Variants in BET1 observed in about 807,000 individuals in gnomAD.
BET1 encodes Bet1 golgi vesicular membrane trafficking protein, also known as BET1 homolog.
A neutral mutation model predicts 13.9 loss-of-function variants in BET1; 9 were observed. The observed-to-expected ratio is 0.65, with a 90% CI of 0.39 to 1.13. BET1 has a LOEUF of 1.13. BET1 is among the 50% of genes most tolerant of loss of function. BET1 has a pLI of 0.01. For synonymous variants in BET1, 39 were observed against 47.3 expected (o/e 0.82, Z 0.72); for missense variants, 127 against 133.6 (o/e 0.95, Z 0.24).
At chr7:93,975,867 A>G in intron 5 of BET1, 10 of 1,004,596 alleles carry the variant, frequency 1.0e-5, no homozygotes, top group Non-Finnish European at 1.2e-5. Context: ...TTTTCAAAAT[A>G]TTATGAGACT....
chr7:93,976,121 C>G, intron 4 of BET1: 1 of 1,162,294 alleles, frequency 8.6e-7, no homozygotes, highest in South Asian at 1.6e-5. Flanking sequence ...AGATGGAGAT[C>G]TTAGTTTCTA....
chr7:93,999,177 A>G lies in BET1; in HGVS notation c.137T>C (p.Ile46Thr). Reference sequence around the variant, plus strand: ...TATTTGTTATATACTTACAGATTTTATAGCAGTTACTTTGCTTCTCAGACT... The same window carrying G: ...TATTTGTTATATACTTACAGATTTTGTAGCAGTTACTTTGCTTCTCAGACT... Reference protein sequence around the residue: ...TESLRSKVTAIKSLSIEIGHE... With the variant: ...TESLRSKVTATKSLSIEIGHE... Residue 46 changes from isoleucine to threonine, a missense_variant, in exon 2 of 4, where the codon ATA becomes ACA. By Grantham distance (89) the Ile-to-Thr change is moderately conservative. Transcript: ENST00000222547. 6.2e-7 allele frequency: 1 copy of G among 1,610,768 alleles called. No homozygotes were observed. Among genetic ancestry groups the G allele is most frequent in the Non-Finnish European group, 8.5e-7 (1 of 1,177,710 alleles).
rs75217727 is a variant in BET1, at chr7:94,001,998, A to G, written c.19+2200T>C. Among the ~76,000 whole-genome samples the G allele has an allele frequency of 3.3e-4, 51 of 152,328 alleles. No homozygotes were observed. The East Asian group carries it at 9.1e-3, about 27-fold the overall frequency. ...CAGAAATATATCAATGCACATTCCT[A>G]TTAAAGAGTTGATCTTCCCTCAAAC... On this transcript the variant is annotated intron_variant, in intron 1 of 3. Coordinates refer to ENST00000222547, the MANE Select transcript of BET1 (RefSeq NM_005868.6).
chr7:93,999,644 G>T (rs1168966267), intron 1 of BET1: 1 of 457,958 alleles, frequency 2.2e-6, no homozygotes, highest in East Asian at 6.9e-5. Flanking sequence ...TCTAAAAGCA[G>T]TAACATCATC....
rs1562806503 is a variant in BET1 at position 93,994,268 on chromosome 7, C to T, written c.319G>A (p.Val107Ile). The change falls in exon 4 of 4, where the codon GTC (valine) becomes ATC (isoleucine). Residue 107 changes from valine (V) to isoleucine (I), a missense_variant. Transcript: ENST00000222547. ...LCYMMLFSLF[V>I]FFIIYWIIKL... ...ATAATCCAATAAATGATAAAAAAGA[C>T]AAATAAAGAAAACAGCATCATATAG... is the stretch of plus-strand genomic sequence containing the variant. 1.9e-6 allele frequency: 3 copies of T among 1,608,526 alleles called. No homozygotes were observed. The South Asian group carries it at 3.4e-5, about 18-fold the overall frequency.
At chr7:93,971,587 AG>A (rs1795259427) in intron 6 of BET1, among the ~76,000 whole-genome samples, 1 of 151,736 alleles carries the variant, frequency 6.6e-6, no homozygotes, top group Non-Finnish European at 1.5e-5. Flanking sequence ...CAGTCCTCTT[AG>A]GTGTCAGTAG....
At chr7:94,001,497 A>C (rs1272528804) in intron 1 of BET1, among the ~76,000 whole-genome samples, 2 of 152,182 alleles carry the variant, frequency 1.3e-5, no homozygotes, top group Non-Finnish European at 2.9e-5. Flanking sequence ...CAAAATATTG[A>C]AGAAGTATTT....
intron 1 of BET1, among the ~76,000 whole-genome samples, chr7:94,001,484 C>T (rs1373472370): frequency 6.6e-6 from 1 of 152,150 alleles, no homozygotes; most frequent in Admixed American, 6.5e-5. Context: ...ACAAAAACCA[C>T]AACAAAATAT....
chr7:93,968,542 T>C (rs1795210621), intron 6 of BET1, among the ~76,000 whole-genome samples: 1 of 151,846 alleles, frequency 6.6e-6, no homozygotes. Context: ...ATGTTTTGTA[T>C]GCATCATTAT....
At chr7:93,976,994 GAA>G (rs1554345751) in intron 4 of BET1, among the ~76,000 whole-genome samples, 2 of 152,034 alleles carry the variant, frequency 1.3e-5, no homozygotes, top group Non-Finnish European at 2.9e-5. Context: ...AGGTTCCTGC[GAA>G]TGCCCTTATT....
At chr7:93,980,925 C>A (rs1406679083) in intron 4 of BET1, among the ~76,000 whole-genome samples, 1 of 151,898 alleles carries the variant, frequency 6.6e-6, no homozygotes, top group Admixed American at 6.6e-5. Flanking sequence ...TATTGCAAAG[C>A]GAAAGTACAC....
intron 4 of BET1, among the ~76,000 whole-genome samples, chr7:93,978,113 C>T (rs1795370000): frequency 6.6e-6 from 1 of 151,936 alleles, no homozygotes; most frequent in Middle Eastern, 3.2e-3. Flanking sequence ...ACTCTGTTGC[C>T]CAGGTTGGAG....
At position 93,993,617 on chromosome 7, in the gene BET1, A is replaced by G; in HGVS notation, c.*613T>C. 1.6e-6 allele frequency: 2 copies of G among 1,250,974 alleles called. No individual in the cohort carries two copies. Among genetic ancestry groups the G allele is most frequent in the Non-Finnish European group, 2.0e-6 (2 of 997,698 alleles). 77.5% of individuals were successfully genotyped at this position (1,250,974 alleles called of 1,614,324 possible). ...CTGATACACATGTGCAATGGGCCCTACCAGAAATATGCCAAAATAACAAGT... is the reference window on the plus strand; with the variant it reads ...CTGATACACATGTGCAATGGGCCCTGCCAGAAATATGCCAAAATAACAAGT... On this transcript the variant is annotated 3_prime_UTR_variant, in exon 4 of 4. Coordinates refer to ENST00000222547, the MANE Select transcript of BET1 (RefSeq NM_005868.6).
chr7:93,992,748 T>C, downstream of BET1: 1 of 930,054 alleles, frequency 1.1e-6, no homozygotes, highest in Non-Finnish European at 1.3e-6. Context: ...CCAGGCACTT[T>C]ACAACATATT....
At chr7:93,994,437 C>A in intron 3 of BET1, 52 bp from the exon 4 acceptor site, 1 of 1,516,318 alleles carries the variant, frequency 6.6e-7, no homozygotes. Context: ...TAAGAGTCTA[C>A]ATATGCATAT....
At position 93,993,254 on chromosome 7, in the gene BET1, C is replaced by T. The variant is rs1049240490; in HGVS notation, c.*976G>A. The T allele has an allele frequency of 2.1e-5, 20 of 953,546 alleles. No individual in the cohort carries two copies. In the African/African-American group the frequency reaches 3.5e-4, roughly 17 times the overall value. 59.1% of individuals were successfully genotyped at this position (953,546 alleles called of 1,614,324 possible). ...AGACTTAAAGAAGTAACACAGTCGACTAATATATTTTATTTAAAAATTTAC... is the reference window on the plus strand; with the variant it reads ...AGACTTAAAGAAGTAACACAGTCGATTAATATATTTTATTTAAAAATTTAC... On this transcript the variant is annotated 3_prime_UTR_variant, in exon 4 of 4. Transcript: ENST00000222547.
intron 4 of BET1, among the ~76,000 whole-genome samples, chr7:93,984,521 G>A (rs1294999619): frequency 6.6e-6 from 1 of 152,018 alleles, no homozygotes; most frequent in Non-Finnish European, 1.5e-5. Flanking sequence ...ACTGAAGAAG[G>A]CCACTTTCTT....
chr7:93,973,157 C>T (rs1440507031), intron 5 of BET1, among the ~76,000 whole-genome samples: 1 of 151,770 alleles, frequency 6.6e-6, no homozygotes, highest in Admixed American at 6.6e-5. Context: ...AAAAGAAGTC[C>T]TGGGTTGCAT....
Position 93,999,307 on chromosome 7 carries a change from G to A in BET1, c.20-13C>T. On this transcript the variant is annotated splice_polypyrimidine_tract_variant and intron_variant, in intron 1 of 3. Coordinates refer to ENST00000222547, the MANE Select transcript of BET1 (RefSeq NM_005868.6). ...GGTACTCCTTCACCTGCAAGGATCA[G>A]AGTCACAAAGGTGGTTCTAGAGAAG... The A allele has an allele frequency of 3.1e-6, 5 of 1,598,066 alleles. No individual in the cohort carries two copies. Among genetic ancestry groups the A allele is most frequent in the Non-Finnish European group, 4.3e-6 (5 of 1,173,534 alleles).
Sources: gnomAD v4.1 joint callset for allele counts (sites outside exome capture counted in the v4.1 genomes callset) on GRCh38, gnomAD v4.1.1 for gene constraint, MANE v1.5 for transcripts, NCBI Gene and HGNC (gene_info 2026-07-23, HGNC 2026-07-21) for gene names.